ERC2: variants seen among roughly 807,000 people sequenced by gnomAD.
ERC2 encodes ELKS/RAB6-interacting/CAST family member 2.
A neutral mutation model predicts 114.8 loss-of-function variants in ERC2; 42 were observed. The observed-to-expected ratio is 0.37, with a 90% confidence interval of 0.29 to 0.47. ERC2 has a LOEUF of 0.47. ERC2 is among the 20% of genes least tolerant of loss of function. ERC2 has a pLI of 0.99. For synonymous variants in ERC2, 454 were observed against 425.5 expected (o/e 1.07, Z -0.82); for missense variants, 939 against 1,150.7 (o/e 0.82, Z 2.66).
intron 12 of ERC2, among the ~76,000 whole-genome samples, chr3:55,965,183 G>T (rs896246121): frequency 6.6e-6 from 1 of 152,112 alleles, no homozygotes; most frequent in Non-Finnish European, 1.5e-5. Context: ...TGAAAACCAG[G>T]GGGTGGAGAT....
chr3:56,209,913 C>T lies in ERC2; in HGVS notation c.1075-36393G>A, dbSNP rs115569879. Among the ~76,000 whole-genome samples the T allele has an allele frequency of 2.6e-3, 393 of 152,260 alleles. 1 individual carries two copies. Among genetic ancestry groups the T allele is most frequent in the South Asian group, 0.018 (87 of 4,818 alleles). On this transcript the variant is annotated intron_variant, in intron 3 of 17. Transcript: ENST00000288221. ...TTGCTTTGTGGAGTTGAGAGAACCA[C>T]ATTTCCCCTCTTACTTCGCCCTTGA...
intron 3 of ERC2, among the ~76,000 whole-genome samples, chr3:56,295,329 T>A (rs1056651572): frequency 2.6e-5 from 4 of 151,838 alleles, no homozygotes; most frequent in African/African-American, 9.7e-5. Context: ...ACCTTGGCAG[T>A]CATCCACATT....
intron 2 of ERC2, among the ~76,000 whole-genome samples, chr3:56,350,067 G>A (rs966225199): frequency 6.6e-6 from 1 of 152,086 alleles, no homozygotes; most frequent in Admixed American, 6.6e-5. Context: ...TTAAAAAGAA[G>A]AAATGTCTAG....
In ERC2 at chr3:56,133,476, G is replaced by T. The variant is rs544903569; in HGVS notation, c.1473+6033C>A. ...ATAAAATAAAACAAAGATTAAAAGAGATAAGTCATCTTCCTGACATGAAGA... is the reference window on the plus strand; with the variant it reads ...ATAAAATAAAACAAAGATTAAAAGATATAAGTCATCTTCCTGACATGAAGA... On this transcript the variant is annotated intron_variant, in intron 6 of 17. Coordinates refer to ENST00000288221, the MANE Select transcript of ERC2 (RefSeq NM_015576.3). Among the ~76,000 whole-genome samples the T allele has an allele frequency of 3.3e-5, 5 of 152,190 alleles. No homozygotes were observed. In the South Asian group the frequency reaches 1.0e-3, roughly 32 times the overall value.
At chr3:55,634,883 T>C (rs12633513) in intron 17 of ERC2, among the ~76,000 whole-genome samples, 25,456 of 133,388 alleles carry the variant, frequency 0.19, 2,655 homozygotes, top group East Asian at 0.47. Context: ...TGTCTCACTT[T>C]ATTATTTCTT....
rs929039543 is a variant in ERC2 at position 55,910,638 on chromosome 3, C to G, written c.2404-22089G>C. Among the ~76,000 whole-genome samples, 29 of 152,124 alleles carry G rather than the reference C, an allele frequency of 1.9e-4. 1 individual carries two copies. Among genetic ancestry groups the G allele is most frequent in the Non-Finnish European group, 5.9e-5 (4 of 68,036 alleles). On this transcript the variant is annotated intron_variant, in intron 13 of 17. Transcript: ENST00000288221. ...TGCATGGCATTAATTTTGTGCCAGG[C>G]ATGGATCTAAATCTTGTGAGTATGA...
chr3:55,694,113 A>C (rs1230624862), intron 16 of ERC2, among the ~76,000 whole-genome samples: 3 of 152,238 alleles, frequency 2.0e-5, no homozygotes, highest in African/African-American at 7.2e-5. Context: ...GAATAAGTGG[A>C]TCCATCATAG....
chr3:56,146,268 C>T (rs769083435), intron 5 of ERC2, among the ~76,000 whole-genome samples: 4 of 152,052 alleles, frequency 2.6e-5, no homozygotes, highest in African/African-American at 9.7e-5. Flanking sequence ...GCCTGGGTGA[C>T]AGAGTGAGAC....
intron 17 of ERC2, chr3:55,612,596 A>G (rs945844445): frequency 6.6e-6 from 1 of 152,260 alleles, no homozygotes; most frequent in African/African-American, 2.4e-5. Context: ...TCTGAGGAGC[A>G]GAATTATGGT....
intron 5 of ERC2, among the ~76,000 whole-genome samples, chr3:56,145,611 T>C (rs542572107): frequency 1.3e-5 from 2 of 152,300 alleles, no homozygotes; most frequent in African/African-American, 4.8e-5. Context: ...GGCTCAGTTC[T>C]CAGAGACAAT....
chr3:55,546,357 C>A (rs2054752862), intron 17 of ERC2, among the ~76,000 whole-genome samples: 1 of 152,180 alleles, frequency 6.6e-6, no homozygotes, highest in African/African-American at 2.4e-5. Flanking sequence ...CCCAGTGAGA[C>A]CCTCCTTGAG....
intron 2 of ERC2, among the ~76,000 whole-genome samples, chr3:56,406,588 A>G (rs2060736726): frequency 6.6e-6 from 1 of 152,170 alleles, no homozygotes; most frequent in Non-Finnish European, 1.5e-5. Flanking sequence ...GTAATTCCTA[A>G]TAATTTTTGA....
intron 13 of ERC2, among the ~76,000 whole-genome samples, chr3:55,933,499 T>G (rs931842419): frequency 6.6e-6 from 1 of 152,220 alleles, no homozygotes; most frequent in African/African-American, 2.4e-5. Flanking sequence ...TTTCTAAAAT[T>G]TATTTCATGG....
intron 15 of ERC2, among the ~76,000 whole-genome samples, chr3:55,714,637 ATATG>A (rs1461084272): frequency 1.3e-4 from 13 of 101,596 alleles, no homozygotes; most frequent in Admixed American, 4.7e-4. Context: ...GGGTTTGTAT[ATATG>A]TGTGTGTGTG....
At chr3:55,699,811 A>C (rs1288698165) in intron 15 of ERC2, among the ~76,000 whole-genome samples, 3 of 152,182 alleles carry the variant, frequency 2.0e-5, no homozygotes, top group Non-Finnish European at 4.4e-5. Flanking sequence ...ATTATCAAGC[A>C]ATCACAGAGA....
At chr3:56,103,561 C>G (rs2149810109) in intron 6 of ERC2, among the ~76,000 whole-genome samples, 1 of 152,128 alleles carries the variant, frequency 6.6e-6, no homozygotes, top group Non-Finnish European at 1.5e-5. Context: ...TCTTGACGCC[C>G]AGGGACATTT....
chr3:56,105,691 G>A (rs1168081855), intron 6 of ERC2, among the ~76,000 whole-genome samples: 2 of 152,176 alleles, frequency 1.3e-5, no homozygotes, highest in African/African-American at 4.8e-5. Context: ...GAGAGGCAGT[G>A]GGAGAAGCAG....
chr3:55,552,418 T>G (rs987030211), intron 17 of ERC2, among the ~76,000 whole-genome samples: 2 of 152,276 alleles, frequency 1.3e-5, no homozygotes, highest in African/African-American at 4.8e-5. Context: ...TTTTCCCTTC[T>G]TCCTCCCCCT....
At chr3:56,436,908 T>C (rs2062046311) in intron 1 of ERC2, among the ~76,000 whole-genome samples, 1 of 152,242 alleles carries the variant, frequency 6.6e-6, no homozygotes, top group Non-Finnish European at 1.5e-5. Context: ...CATCACTTCA[T>C]ACTCCAGATC....
Sources: allele counts gnomAD v4.1 joint callset (sites outside exome capture counted in the v4.1 genomes callset), GRCh38; gene constraint gnomAD v4.1.1; transcripts MANE v1.5; gene names NCBI Gene and HGNC (gene_info 2026-07-23, HGNC 2026-07-21).